The following COL15A1 variants were observed in gnomAD, a reference collection of about 807,000 sequenced individuals.
The protein encoded by COL15A1 is collagen type XV alpha 1 chain.
COL15A1 carries 111 observed loss-of-function variants against 165.9 expected under a neutral mutation model. That is an observed-to-expected ratio of 0.67 (90% CI 0.57 to 0.78). The LOEUF (loss-of-function observed/expected upper bound fraction) is 0.78, where lower values mean the gene tolerates loss of function less well. Among genes scored for constraint, COL15A1 ranks in the 30% least tolerant of loss-of-function variants. The pLI is 0.00. For synonymous variants in COL15A1, 659 were observed against 674.8 expected (o/e 0.98, Z 0.36); for missense variants, 1,745 against 1,789.7 (o/e 0.98, Z 0.45).
intron 40 of COL15A1, among the ~76,000 whole-genome samples, chr9:99,067,869 C>T (rs1281600581): frequency 1.3e-5 from 2 of 152,190 alleles, no homozygotes; most frequent in Admixed American, 1.3e-4. Flanking sequence ...AGTTCATCTC[C>T]ATCTCACCCA....
chr9:99,009,608 C>T (rs1029749478), intron 9 of COL15A1, among the ~76,000 whole-genome samples: 9 of 151,964 alleles, frequency 5.9e-5, no homozygotes, highest in Admixed American at 1.3e-4. Context: ...AAGTATAAAA[C>T]ACTTGATATC....
Position 99,022,080 on chromosome 9 carries a change from G to A in COL15A1, c.1702-11G>A. 1.9e-6 allele frequency: 3 copies of A among 1,614,046 alleles called. No individual in the cohort carries two copies. Among genetic ancestry groups the A allele is most frequent in the African/African-American group, 1.3e-5 (1 of 75,056 alleles). ...GTTCCAGCCGTTCACTGACCATTTTGTTCTCTTTAGGGTGATGCTGGGGAG... is the reference window on the plus strand; with the variant it reads ...GTTCCAGCCGTTCACTGACCATTTTATTCTCTTTAGGGTGATGCTGGGGAG... On this transcript the variant is annotated splice_polypyrimidine_tract_variant and intron_variant, in intron 12 of 41. Transcript: ENST00000375001.
rs753271656 is a variant in COL15A1 at position 99,046,670 on chromosome 9, C to T, written c.2680-1116C>T. ...ATCAGAGCTAGGGAGAACTCATTCA[C>T]TGTTATGAGAACAGCATGGGGAAAT... is the stretch of plus-strand genomic sequence containing the variant. On this transcript the variant is annotated intron_variant, in intron 26 of 41. Coordinates refer to ENST00000375001, the MANE Select transcript of COL15A1 (RefSeq NM_001855.5). Among the ~76,000 whole-genome samples the T allele has an allele frequency of 9.6e-4, 146 of 152,318 alleles. 2 individuals are homozygous for T. Among genetic ancestry groups the T allele is most frequent in the Non-Finnish European group, 4.6e-4 (31 of 68,020 alleles).
intron 1 of COL15A1, 22 bp downstream of exon 1, chr9:98,944,094 C>T: frequency 6.2e-7 from 1 of 1,614,164 alleles, no homozygotes; most frequent in Non-Finnish European, 8.5e-7. Flanking sequence ...TTCTCTGCTT[C>T]CTCGCGTCCC....
At chr9:98,966,894 T>A (rs1160904637) in intron 2 of COL15A1, among the ~76,000 whole-genome samples, 1 of 152,214 alleles carries the variant, frequency 6.6e-6, no homozygotes, top group Non-Finnish European at 1.5e-5. Context: ...CTACTGGCAT[T>A]CATTAGAATT....
intron 36 of COL15A1, among the ~76,000 whole-genome samples, chr9:99,061,683 A>G (rs569628058): frequency 2.0e-5 from 3 of 152,360 alleles, no homozygotes; most frequent in Admixed American, 6.5e-5. Flanking sequence ...AGATAACTCC[A>G]TTGACAATTT....
intron 2 of COL15A1, among the ~76,000 whole-genome samples, chr9:98,959,999 G>A (rs1032352489): frequency 2.0e-5 from 3 of 152,128 alleles, no homozygotes; most frequent in Admixed American, 1.3e-4. Context: ...CTTTGCTTGC[G>A]CTGTTCCTCA....
intron 6 of COL15A1, among the ~76,000 whole-genome samples, chr9:98,998,777 C>T (rs1055251952): frequency 6.6e-6 from 1 of 152,244 alleles, no homozygotes; most frequent in South Asian, 2.1e-4. Flanking sequence ...GATCCCAACG[C>T]AGCTCGCCTG....
At chr9:99,022,810 C>A (rs531562876) in intron 13 of COL15A1, among the ~76,000 whole-genome samples, 3 of 152,316 alleles carry the variant, frequency 2.0e-5, no homozygotes, top group East Asian at 3.9e-4. Flanking sequence ...TGAAGATTCC[C>A]CTTGTTCTTC....
At chr9:98,965,513 AT>A (rs1421340811) in intron 2 of COL15A1, among the ~76,000 whole-genome samples, 2 of 151,986 alleles carry the variant, frequency 1.3e-5, no homozygotes, top group Non-Finnish European at 2.9e-5. Context: ...TGAGATTAAC[AT>A]TTCTAAGTCT....
In COL15A1 at chr9:99,050,988, A is replaced by G. The variant is rs191035795; in HGVS notation, c.2904+1093A>G. Among the ~76,000 whole-genome samples, 94 of 152,340 alleles carry G rather than the reference A, an allele frequency of 6.2e-4. 1 individual carries two copies. The East Asian group carries it at 0.017, about 28-fold the overall frequency. ...GTGACTAACGGGCTCCAGGCTCTAC[A>G]TGGAGACAACAGCAACCCAGTATGT... On this transcript the variant is annotated intron_variant, in intron 30 of 41. Coordinates refer to ENST00000375001, the MANE Select transcript of COL15A1 (RefSeq NM_001855.5).
At chr9:99,036,035 T>A (rs1295385379) in intron 19 of COL15A1, 135 bp from the exon 20 acceptor site, 7 of 702,834 alleles carry the variant, frequency 1.0e-5, no homozygotes, top group Middle Eastern at 8.1e-4. Context: ...AGAAGGGGCA[T>A]TTTTCGCTTA....
Position 98,985,643 on chromosome 9 carries a change from G to A in COL15A1, c.179G>A (p.Gly60Asp). 6.2e-7 allele frequency: 1 copy of A among 1,614,272 alleles called. No individual in the cohort carries two copies. Among genetic ancestry groups the A allele is most frequent in the Non-Finnish European group, 8.5e-7 (1 of 1,180,048 alleles). ...CCCTCGTCCGTATCCTTTGTCACAG[G>A]CTATGGTGGCTTCCCGGCCTACAGT... ...PLPSSVSFVT[G>D]YGGFPAYSFG... The change falls in exon 3 of 42, where the codon GGC (glycine) becomes GAC (aspartate). Residue 60 changes from glycine (G) to aspartate (D), a missense_variant. Gly to Asp is a moderately conservative substitution (Grantham distance 94). Transcript: ENST00000375001.
chr9:98,982,085 G>A (rs189161520), intron 2 of COL15A1, among the ~76,000 whole-genome samples: 3 of 152,096 alleles, frequency 2.0e-5, no homozygotes, highest in African/African-American at 4.8e-5. Context: ...ACAGGCATGA[G>A]CCACCATACC....
intron 17 of COL15A1, 148 bp downstream of exon 17, chr9:99,034,732 C>G: frequency 1.4e-6 from 2 of 1,404,106 alleles, no homozygotes; most frequent in Non-Finnish European, 1.9e-6. Flanking sequence ...AGGAATTGCT[C>G]AGAGAAGGCA....
intron 36 of COL15A1, 68 bp downstream of exon 36, chr9:99,060,021 G>T: frequency 1.3e-6 from 2 of 1,537,294 alleles, no homozygotes; most frequent in East Asian, 2.3e-5. Flanking sequence ...CTCTGCCTAC[G>T]ATCTCCTGTG....
chr9:98,965,075 T>C (rs1837935118), intron 2 of COL15A1, among the ~76,000 whole-genome samples: 1 of 152,166 alleles, frequency 6.6e-6, no homozygotes, highest in Non-Finnish European at 1.5e-5. Context: ...TCTCCTGCTG[T>C]TGCCAAACTA....
intron 30 of COL15A1, among the ~76,000 whole-genome samples, chr9:99,050,310 T>C (rs1208879833): frequency 6.6e-6 from 1 of 152,238 alleles, no homozygotes; most frequent in Non-Finnish European, 1.5e-5. Context: ...ATCACATCAC[T>C]GCACCGCACA....
At position 99,054,575 on chromosome 9, in the gene COL15A1, G is replaced by T. The variant is rs1374758591; in HGVS notation, c.2951-1G>T. On this transcript the variant is annotated splice_acceptor_variant, in intron 31 of 41. Coordinates refer to ENST00000375001, the MANE Select transcript of COL15A1 (RefSeq NM_001855.5). LOFTEE classifies it high-confidence loss of function. ...TTTAACATGTATGTGTTTGGTGGCAGGTGTTAAAGGAGAGAAAGGATCCTG... is the reference window on the plus strand; with the variant it reads ...TTTAACATGTATGTGTTTGGTGGCATGTGTTAAAGGAGAGAAAGGATCCTG... 1 of 1,605,562 alleles carries T rather than the reference G, an allele frequency of 6.2e-7. No individual in the cohort carries two copies. The highest frequency in any genetic ancestry group is 1.3e-5 in the African/African-American group (1 of 74,130).
Sources: allele counts gnomAD v4.1 joint callset (sites outside exome capture counted in the v4.1 genomes callset), GRCh38; gene constraint gnomAD v4.1.1; transcripts MANE v1.5; gene names NCBI Gene and HGNC (gene_info 2026-07-23, HGNC 2026-07-21).